The following PHYH variants were observed in gnomAD, a reference collection of about 807,000 sequenced individuals.
PHYH encodes phytanoyl-CoA 2-hydroxylase.
A neutral mutation model predicts 38.5 loss-of-function variants in PHYH; 32 were observed. That is an observed-to-expected ratio of 0.83 (90% CI 0.63 to 1.12). The LOEUF (loss-of-function observed/expected upper bound fraction) is 1.12. Ranked by LOEUF, PHYH falls within the 50% of genes most tolerant of loss-of-function variation. The pLI, the probability that PHYH is intolerant of heterozygous loss-of-function variation, is 0.00. For missense variants in PHYH, 426 were observed against 434.8 expected, an observed-to-expected ratio of 0.98 and a Z score of 0.18; for synonymous variants, 166 against 157.9, an observed-to-expected ratio of 1.05 and a Z score of -0.38.
chr10:13,279,160 G>A lies in PHYH; in HGVS notation c.964-806C>T, dbSNP rs546396496. Among the ~76,000 whole-genome samples the A allele has an allele frequency of 9.9e-5, 15 of 152,112 alleles. No homozygotes were observed. The South Asian group carries it at 2.3e-3, about 23-fold the overall frequency. ...ATTAGAGGCATGTGCCACCACACCC[G>A]GCTAATTTTATATTTTTAGTAGAGA... On this transcript the variant is annotated intron_variant, in intron 8 of 8. Transcript: ENST00000263038.
intron 5 of PHYH, among the ~76,000 whole-genome samples, chr10:13,290,066 C>T (rs1256062975): frequency 2.3e-5 from 3 of 130,578 alleles, no homozygotes; most frequent in Admixed American, 9.2e-5. Flanking sequence ...GTCAGGAGTT[C>T]GAGACCAGCC....
intron 4 of PHYH, 121 bp from the exon 5 acceptor site, chr10:13,292,033 C>A (rs532393341): frequency 8.4e-6 from 6 of 715,298 alleles, no homozygotes; most frequent in East Asian, 2.7e-5. Flanking sequence ...AAGAACCAAG[C>A]GGTATTTCAC....
In PHYH at chr10:13,283,823, A is replaced by G. The variant is rs1223347540; in HGVS notation, c.695T>C (p.Met232Thr). ...YPKWEGGVNKMFHGIQDYEEN... is the reference protein window; with the variant it reads ...YPKWEGGVNKTFHGIQDYEEN... ...CTCGTAGTCCTGGATCCCGTGGAAC[A>G]TTTTGTTAACTCCCCCCTAGAACAA... The change falls in exon 7 of 9, where the codon ATG becomes ACG. Residue 232 changes from methionine to threonine, a missense_variant. Transcript: ENST00000263038. 6.2e-7 allele frequency: 1 copy of G among 1,613,938 alleles called. No homozygotes were observed. The highest frequency in any genetic ancestry group is 1.3e-5 in the African/African-American group (1 of 74,920).
At chr10:13,279,612 G>A (rs747444827) in intron 8 of PHYH, among the ~76,000 whole-genome samples, 5 of 152,130 alleles carry the variant, frequency 3.3e-5, no homozygotes, top group Non-Finnish European at 5.9e-5. Flanking sequence ...CTGCCCCACC[G>A]GGTTTTGGTG....
At chr10:13,299,944 A>AG (rs1385649578) in intron 1 of PHYH, 24 bp downstream of exon 1, 1 of 1,511,856 alleles carries the variant, frequency 6.6e-7, no homozygotes, top group Non-Finnish European at 8.8e-7. Flanking sequence ...ATCCAGCCCG[A>AG]GCCCCGCGCA....
intron 6 of PHYH, among the ~76,000 whole-genome samples, chr10:13,287,005 C>A (rs574253384): frequency 3.3e-5 from 5 of 152,014 alleles, no homozygotes; most frequent in Non-Finnish European, 7.4e-5. Flanking sequence ...ACAATTATAC[C>A]TCAATGAAAC....
chr10:13,298,845 C>T (rs1319039690), intron 1 of PHYH, among the ~76,000 whole-genome samples: 2 of 112,240 alleles, frequency 1.8e-5, no homozygotes, highest in Non-Finnish European at 3.8e-5. Context: ...ACCTGGGAGG[C>T]GGAGGTTGCA....
At chr10:13,298,964 TAACAAC>T (rs1184585156) in intron 1 of PHYH, among the ~76,000 whole-genome samples, 1 of 72,074 alleles carries the variant, frequency 1.4e-5, no homozygotes, top group African/African-American at 3.1e-5. Flanking sequence ...ATAATAATAA[TAACAAC>T]AATAACAACA....
At chr10:13,280,114 A>T (rs1416296002) in intron 8 of PHYH, among the ~76,000 whole-genome samples, 1 of 151,952 alleles carries the variant, frequency 6.6e-6, no homozygotes, top group Admixed American at 6.6e-5. Flanking sequence ...GACTACAGGC[A>T]TGTGCCACCA....
intron 6 of PHYH, among the ~76,000 whole-genome samples, chr10:13,285,869 G>A (rs558270725): frequency 2.6e-5 from 4 of 151,944 alleles, no homozygotes; most frequent in Admixed American, 2.6e-4. Context: ...CTCCCTAAGT[G>A]CTAGGATTAC....
intron 4 of PHYH, among the ~76,000 whole-genome samples, chr10:13,293,634 T>C (rs1183781736): frequency 1.3e-5 from 2 of 152,032 alleles, no homozygotes; most frequent in South Asian, 2.1e-4. Context: ...CTTTGTTTTT[T>C]TCTTTTTTTC....
chr10:13,299,348 TG>T, intron 1 of PHYH: 2 of 735,744 alleles, frequency 2.7e-6, no homozygotes, highest in Non-Finnish European at 3.4e-6. Flanking sequence ...ACTGTAACCC[TG>T]GACTCCTGGC....
chr10:13,296,785 C>G (rs867946210), intron 2 of PHYH, among the ~76,000 whole-genome samples: 1 of 151,374 alleles, frequency 6.6e-6, no homozygotes, highest in African/African-American at 2.4e-5. Flanking sequence ...TGAAACCCGC[C>G]TCTACTAAAA....
In PHYH at chr10:13,278,169, A is replaced by C; in HGVS notation, c.*132T>G. ...CTGCAAAACTAACTCTATGCAATTA[A>C]GTACCTGATACATGTTTTCTGCTTT... is the stretch of plus-strand genomic sequence containing the variant. On this transcript the variant is annotated 3_prime_UTR_variant, in exon 9 of 9. Transcript: ENST00000263038. 8.4e-6 allele frequency: 6 copies of C among 713,312 alleles called. No homozygotes were observed. Among genetic ancestry groups the C allele is most frequent in the Non-Finnish European group, 1.3e-5 (5 of 387,474 alleles). 44.2% of individuals were successfully genotyped at this position (713,312 alleles called of 1,614,324 possible).
intron 7 of PHYH, among the ~76,000 whole-genome samples, chr10:13,283,224 G>A (rs1038639673): frequency 3.4e-5 from 5 of 144,990 alleles, no homozygotes; most frequent in Non-Finnish European, 5.9e-5. Context: ...CACCCCCTGG[G>A]GTTCACGCCA....
chr10:13,296,812 C>G (rs532590), intron 2 of PHYH, among the ~76,000 whole-genome samples: 38 of 151,308 alleles, frequency 2.5e-4, no homozygotes, highest in East Asian at 9.8e-4. Context: ...AAAATTAGCC[C>G]GGCATGGTGT....
chr10:13,292,915 A>AAGAGTG (rs904103973), intron 4 of PHYH, among the ~76,000 whole-genome samples: 8 of 136,888 alleles, frequency 5.8e-5, no homozygotes, highest in Non-Finnish European at 1.1e-4. Context: ...CCTGGGCAAC[A>AAGAGTG]AGAGTGAGAC....
intron 8 of PHYH, among the ~76,000 whole-genome samples, chr10:13,278,733 C>T (rs581344): frequency 0.94 from 142,903 of 152,116 alleles, 67,665 homozygotes; most frequent in Non-Finnish European, 1. Flanking sequence ...TTTCGCTACA[C>T]TGGCCAGACT....
chr10:13,291,258 T>C (rs1054790636), intron 5 of PHYH, among the ~76,000 whole-genome samples: 2 of 152,208 alleles, frequency 1.3e-5, no homozygotes, highest in African/African-American at 2.4e-5. Context: ...AGACGTCGAA[T>C]GGCAGGAACC....
Sources: gnomAD v4.1 joint callset for allele counts (sites outside exome capture counted in the v4.1 genomes callset) on GRCh38, gnomAD v4.1.1 for gene constraint, MANE v1.5 for transcripts, NCBI Gene and HGNC (gene_info 2026-07-23, HGNC 2026-07-21) for gene names.